The following RESF1 variants were observed in gnomAD, a reference collection of about 807,000 sequenced individuals.
RESF1 encodes gonad expressed transcript.
Under a neutral mutation model 134.7 loss-of-function variants are expected in RESF1, and 65 were observed. The observed-to-expected ratio is 0.48, with a 90% CI of 0.40 to 0.59. The LOEUF (loss-of-function observed/expected upper bound fraction) is 0.59. Ranked by LOEUF, RESF1 falls within the 20% of genes least tolerant of loss-of-function variation. The probability of loss-of-function intolerance (pLI) is 0.00; values close to 1 mark genes in which losing one functional copy is unlikely to be tolerated. For synonymous variants in RESF1, 762 were observed against 702.2 expected (o/e 1.09, Z -1.35); for missense variants, 2,274 against 2,002.7 (o/e 1.14, Z -2.59).
Position 31,992,689 on chromosome 12 carries a change from T to A in RESF1, c.*154T>A. The stretch of plus-strand genomic sequence containing the variant: ...TTTCATTGAAAGTGCTTAATTAAAA[T>A]GGCTTGAGAACTTTGGGTAGCCATG... On this transcript the variant is annotated 3_prime_UTR_variant, in exon 6 of 6. Transcript: ENST00000312561. The A allele has an allele frequency of 1.3e-6, 1 of 770,626 alleles. No homozygotes were observed. The highest frequency in any genetic ancestry group is 2.2e-6 in the Non-Finnish European group (1 of 465,062). The allele number at this position is 770,626 out of a possible 1,614,324, so 47.7% of individuals were successfully genotyped here.
In RESF1 at chr12:31,984,578, C is replaced by G. The variant is rs3759299; in HGVS notation, c.3623C>G (p.Ser1208Cys). 0.24 allele frequency: 379,229 copies of G among 1,584,698 alleles called. 47,240 individuals are homozygous for G. The highest frequency in any genetic ancestry group is 0.25 in the Non-Finnish European group (297,487 of 1,167,586). The change falls in exon 4 of 6, where the codon TCT (serine) becomes TGT (cysteine). Residue 1208 changes from serine to cysteine, a missense_variant. Transcript: ENST00000312561. ...SEEEKQKEQCSPLDTNSCKQG... is the reference protein window; with the variant it reads ...SEEEKQKEQCCPLDTNSCKQG... ...GAAGAGAAACAAAAAGAGCAGTGTT[C>G]TCCTTTGGATACCAACAGTTGTAAA...
intron 2 of RESF1, among the ~76,000 whole-genome samples, chr12:31,962,075 T>A (rs1372311807): frequency 1.3e-5 from 2 of 152,072 alleles, no homozygotes; most frequent in East Asian, 3.9e-4. Context: ...TCTTTACTAA[T>A]AATAACAAAA....
intron 2 of RESF1, chr12:31,962,372 C>T (rs1467464840): frequency 1.3e-5 from 2 of 152,242 alleles, no homozygotes. Context: ...TTGACTAACC[C>T]TGGCTATAGA....
chr12:31,962,609 A>G (rs1158200135), intron 2 of RESF1: 4 of 152,256 alleles, frequency 2.6e-5, no homozygotes, highest in Non-Finnish European at 5.9e-5. Flanking sequence ...GATCGCAAAG[A>G]TTTAATGACA....
At chr12:31,972,156 T>C (rs1365494602) in intron 3 of RESF1, among the ~76,000 whole-genome samples, 1 of 152,148 alleles carries the variant, frequency 6.6e-6, no homozygotes, top group Non-Finnish European at 1.5e-5. Flanking sequence ...TCCTTGGTAA[T>C]ATACTTTATA....
Position 31,984,133 on chromosome 12 carries a change from A to G in RESF1, c.3178A>G (p.Lys1060Glu), listed in dbSNP as rs78737813. The G allele has an allele frequency of 4.0e-3, 6,443 of 1,612,764 alleles. 55 individuals carry two copies. Among genetic ancestry groups the G allele is most frequent in the South Asian group, 0.021 (1,919 of 90,878 alleles). ...ACATGACCAGCTGTCAGAACTTCTA[A>G]AAGAGTTTCCTTATGGCATTGAGGC... ...YLHDQLSELL[K>E]EFPYGIEAVN... Residue 1060 changes from lysine (K) to glutamate (E), a missense_variant, in exon 4 of 6, where the codon AAA (lysine) becomes GAA (glutamate). Transcript: ENST00000312561.
intron 1 of RESF1, chr12:31,959,818 G>C (rs1397591867): frequency 6.6e-6 from 1 of 152,148 alleles, no homozygotes; most frequent in Non-Finnish European, 1.5e-5. Flanking sequence ...TTCCCTCATT[G>C]CCTGGCTCTG....
rs1200932300 is a variant in RESF1 at position 31,982,455 on chromosome 12, T to G, written c.1500T>G (p.Val500=). ...QEVNCRRFNQ[V]DSVLPNPVYS... ...TCAATTGCAGAAGGTTTAACCAAGTTGATTCTGTTTTACCAAATCCTGTCT... is the reference window on the plus strand; with the variant it reads ...TCAATTGCAGAAGGTTTAACCAAGTGGATTCTGTTTTACCAAATCCTGTCT... Residue 500 remains valine, a synonymous_variant, in exon 4 of 6, where the codon GTT becomes GTG. Coordinates refer to ENST00000312561, the MANE Select transcript of RESF1 (RefSeq NM_018169.4). The G allele has an allele frequency of 6.2e-7, 1 of 1,613,762 alleles. No homozygotes were observed. Among genetic ancestry groups the G allele is most frequent in the Non-Finnish European group, 8.5e-7 (1 of 1,180,040 alleles).
At chr12:31,987,473 G>C in intron 5 of RESF1, 151 bp downstream of exon 5, 4 of 560,982 alleles carry the variant, frequency 7.1e-6, no homozygotes, top group Non-Finnish European at 1.3e-5. Flanking sequence ...AGTGGTAGGA[G>C]GACATTTTTG....
In RESF1 at chr12:31,981,611, G is replaced by A. The variant is rs139948313; in HGVS notation, c.656G>A (p.Arg219His). The A allele has an allele frequency of 5.4e-5, 87 of 1,613,916 alleles. 1 individual carries two copies. The Middle Eastern group carries it at 9.9e-4, about 18-fold the overall frequency. Residue 219 changes from arginine to histidine, a missense_variant, in exon 4 of 6, where the codon CGT (arginine) becomes CAT (histidine). Arg to His is a conservative substitution (Grantham distance 29). Coordinates refer to ENST00000312561, the MANE Select transcript of RESF1 (RefSeq NM_018169.4). ...TACAGACCACCTCCAAAGCTATACC[G>A]TTACTCACCACAAAGCTTTTTACCA... ...PDYRPPPKLY[R>H]YSPQSFLPDS...
chr12:31,986,021 C>G (rs1390057737), intron 4 of RESF1, 64 bp downstream of exon 4: 2 of 1,100,112 alleles, frequency 1.8e-6, no homozygotes, highest in African/African-American at 3.6e-5. Flanking sequence ...AATATTTGGG[C>G]TAGCACCTCT....
At position 31,981,593 on chromosome 12, in the gene RESF1, C is replaced by A; in HGVS notation, c.638C>A (p.Pro213Gln). ...SKGLTYPDYRPPPKLYRYSPQ... is the reference protein window; with the variant it reads ...SKGLTYPDYRQPPKLYRYSPQ... Reference sequence around the variant, plus strand: ...GGACTGACTTACCCAGATTACAGACCACCTCCAAAGCTATACCGTTACTCA... The same window carrying A: ...GGACTGACTTACCCAGATTACAGACAACCTCCAAAGCTATACCGTTACTCA... The change falls in exon 4 of 6, where the codon CCA (proline) becomes CAA (glutamine). Residue 213 changes from proline (P) to glutamine (Q), a missense_variant. Transcript: ENST00000312561. The A allele has an allele frequency of 3.1e-6, 5 of 1,614,108 alleles. No individual in the cohort carries two copies. The highest frequency in any genetic ancestry group is 3.4e-6 in the Non-Finnish European group (4 of 1,180,014).
intron 4 of RESF1, 187 bp from the exon 5 acceptor site, chr12:31,987,052 T>C: frequency 4.2e-6 from 2 of 473,028 alleles, no homozygotes; most frequent in South Asian, 2.5e-5. Flanking sequence ...GATAAACTCA[T>C]TTTTTAATTG....
intron 1 of RESF1, chr12:31,959,753 C>G (rs1033962083): frequency 6.6e-6 from 1 of 151,750 alleles, no homozygotes; most frequent in African/African-American, 2.4e-5. Flanking sequence ...GGGGCCGGCC[C>G]TGGGCCTCCG....
At position 31,983,288 on chromosome 12, in the gene RESF1, G is replaced by A. The variant is rs139342835; in HGVS notation, c.2333G>A (p.Gly778Glu). Residue 778 changes from glycine (G) to glutamate (E), a missense_variant, in exon 4 of 6, where the codon GGA becomes GAA. By Grantham distance (98) the Gly-to-Glu change is moderately conservative (BLOSUM62 -2). Transcript: ENST00000312561. ...GAGGTCAAAACATTGTCTGTCAAAGGAATAACACCTGCAGTGTTACCTGAA... is the reference window on the plus strand; with the variant it reads ...GAGGTCAAAACATTGTCTGTCAAAGAAATAACACCTGCAGTGTTACCTGAA... ...LSEVKTLSVK[G>E]ITPAVLPETV... 1.1e-3 allele frequency: 1,740 copies of A among 1,613,880 alleles called. 29 individuals are homozygous for A. In the East Asian group the frequency reaches 0.026, roughly 24 times the overall value.
chr12:31,976,664 CAG>C (rs1357981922), intron 3 of RESF1, among the ~76,000 whole-genome samples: 1 of 151,944 alleles, frequency 6.6e-6, no homozygotes, highest in Non-Finnish European at 1.5e-5. Flanking sequence ...GTCTGGGTGA[CAG>C]AGCGAGACTC....
Position 31,984,349 on chromosome 12 carries a change from G to A in RESF1, c.3394G>A (p.Ala1132Thr). The change falls in exon 4 of 6, where the codon GCA (alanine) becomes ACA (threonine). Residue 1132 changes from alanine to threonine, a missense_variant. By Grantham distance (58) the Ala-to-Thr change is moderately conservative (BLOSUM62 0). Transcript: ENST00000312561. ...DDQPYVVDKL[A>T]EPQKEEPITE... The stretch of plus-strand genomic sequence containing the variant: ...TCAACCCTATGTAGTAGACAAGTTG[G>A]CAGAACCTCAGAAAGAAGAGCCCAT... 1.2e-6 allele frequency: 2 copies of A among 1,614,054 alleles called. No homozygotes were observed. The highest frequency in any genetic ancestry group is 1.7e-6 in the Non-Finnish European group (2 of 1,179,998).
At chr12:31,976,475 G>C (rs1453089364) in intron 3 of RESF1, among the ~76,000 whole-genome samples, 2 of 152,124 alleles carry the variant, frequency 1.3e-5, no homozygotes, top group African/African-American at 4.8e-5. Flanking sequence ...CACAAGGTCA[G>C]GAGTTCGAGA....
rs1188483068 is a variant in RESF1, at chr12:31,972,503, G to A, written c.-79+2147G>A. 5.3e-5 allele frequency among the ~76,000 whole-genome samples: 8 copies of A among 151,818 alleles called. No individual in the cohort carries two copies. In the East Asian group the frequency reaches 1.5e-3, roughly 29 times the overall value. The stretch of plus-strand genomic sequence containing the variant: ...CACCGGTAGTTCCAGCTACTCAGGA[G>A]GCTGAGGCAGGAGAATGGCGTGAAC... On this transcript the variant is annotated intron_variant, in intron 3 of 5. Transcript: ENST00000312561.
Sources: gnomAD v4.1 joint callset for allele counts (sites outside exome capture counted in the v4.1 genomes callset) on GRCh38, gnomAD v4.1.1 for gene constraint, MANE v1.5 for transcripts, NCBI Gene and HGNC (gene_info 2026-07-23, HGNC 2026-07-21) for gene names.